Variants in PDZD2 observed in about 807,000 individuals in gnomAD.
PDZD2 encodes PDZ domain containing 2, also known as PDZ domain-containing protein 2.
PDZD2 carries 90 observed loss-of-function variants against 220.7 expected under a neutral mutation model. That is an observed-to-expected ratio of 0.41 (90% CI 0.34 to 0.49). The LOEUF (loss-of-function observed/expected upper bound fraction) is 0.49. PDZD2 is among the 20% of genes least tolerant of loss of function. The probability of loss-of-function intolerance (pLI) is 0.28; values close to 1 mark genes in which losing one functional copy is unlikely to be tolerated. For missense variants in PDZD2, 3,174 were observed against 3,608.5 expected (o/e 0.88, Z 3.08); for synonymous variants, 1,375 against 1,450.5 (o/e 0.95, Z 1.18).
chr5:31,868,330 A>G (rs181374728), intron 2 of PDZD2, among the ~76,000 whole-genome samples: 122 of 152,238 alleles, frequency 8.0e-4, no homozygotes, highest in Admixed American at 1.0e-3. Context: ...CTTTAATCTC[A>G]GCTACTCAGG....
chr5:31,807,151 G>T (rs141074369), intron 2 of PDZD2, among the ~76,000 whole-genome samples: 230 of 152,170 alleles, frequency 1.5e-3, no homozygotes, highest in African/African-American at 5.4e-3. Context: ...GGCCAGACTG[G>T]TCTTGAACCT....
intron 2 of PDZD2, among the ~76,000 whole-genome samples, chr5:31,883,023 C>CA (rs781370177): frequency 0.053 from 2,494 of 47,036 alleles, 201 homozygotes; most frequent in African/African-American, 0.1. Context: ...GACTCTGTCT[C>CA]AAAAAAAAAA....
intron 2 of PDZD2, among the ~76,000 whole-genome samples, chr5:31,981,685 G>A (rs1480608292): frequency 6.6e-6 from 1 of 152,210 alleles, no homozygotes; most frequent in Non-Finnish European, 1.5e-5. Context: ...GAAGGATTTG[G>A]TTGTTGACAC....
chr5:31,679,612 A>G (rs1746574009), intron 1 of PDZD2, among the ~76,000 whole-genome samples: 1 of 152,102 alleles, frequency 6.6e-6, no homozygotes, highest in Non-Finnish European at 1.5e-5. Context: ...AGTTCAAGTG[A>G]TTCTCCTGCC....
At chr5:31,930,329 C>T (rs528860224) in intron 2 of PDZD2, among the ~76,000 whole-genome samples, 2 of 151,580 alleles carry the variant, frequency 1.3e-5, no homozygotes, top group East Asian at 3.9e-4. Context: ...CCTCAGTCTC[C>T]CAAGTAGCTG....
intron 2 of PDZD2, among the ~76,000 whole-genome samples, chr5:31,886,237 A>G (rs1181937245): frequency 6.6e-6 from 1 of 152,190 alleles, no homozygotes; most frequent in Non-Finnish European, 1.5e-5. Context: ...GAAAAAACAG[A>G]TCAGTGCATA....
At chr5:31,718,917 G>A (rs1054581262) in intron 1 of PDZD2, among the ~76,000 whole-genome samples, 4 of 152,088 alleles carry the variant, frequency 2.6e-5, no homozygotes, top group Non-Finnish European at 5.9e-5. Context: ...AGCCAGGATG[G>A]TCTCCATCTC....
At chr5:32,037,134 C>G in intron 6 of PDZD2, 97 bp from the exon 7 acceptor site, 2 of 739,258 alleles carry the variant, frequency 2.7e-6, no homozygotes, top group Non-Finnish European at 4.7e-6. Context: ...ACCTGTATTG[C>G]TGCTCCTTGA....
At chr5:31,712,832 A>G (rs954615451) in intron 1 of PDZD2, among the ~76,000 whole-genome samples, 3 of 152,172 alleles carry the variant, frequency 2.0e-5, no homozygotes, top group Non-Finnish European at 2.9e-5. Flanking sequence ...GGTCGCGTTA[A>G]GGGCAATGGA....
In PDZD2 at chr5:31,869,172, A is replaced by G. The variant is rs77835850; in HGVS notation, c.476+69448A>G. ...AAAGTTCCAGACATGCTTTGTCTGTATCTTCCTTCAGGACAAATCCATTTA... is the reference window on the plus strand; with the variant it reads ...AAAGTTCCAGACATGCTTTGTCTGTGTCTTCCTTCAGGACAAATCCATTTA... On this transcript the variant is annotated intron_variant, in intron 2 of 24. Coordinates refer to ENST00000438447, the MANE Select transcript of PDZD2 (RefSeq NM_178140.4). 8.2e-3 allele frequency among the ~76,000 whole-genome samples: 1,250 copies of G among 152,352 alleles called. 15 individuals are homozygous for G. The highest frequency in any genetic ancestry group is 0.028 in the African/African-American group (1,178 of 41,578).
At chr5:31,837,484 A>C (rs1757015239) in intron 2 of PDZD2, among the ~76,000 whole-genome samples, 1 of 152,190 alleles carries the variant, frequency 6.6e-6, no homozygotes, top group Non-Finnish European at 1.5e-5. Context: ...GCACTTTGGG[A>C]GGCCGAGGTG....
At chr5:31,698,227 T>C (rs1261572181) in intron 1 of PDZD2, among the ~76,000 whole-genome samples, 1 of 148,096 alleles carries the variant, frequency 6.8e-6, no homozygotes, top group East Asian at 2.1e-4. Flanking sequence ...TTAGATTGAA[T>C]CTCACCCAGC....
At chr5:31,757,697 C>T (rs1227569301) in intron 1 of PDZD2, among the ~76,000 whole-genome samples, 1 of 152,070 alleles carries the variant, frequency 6.6e-6, no homozygotes, top group East Asian at 1.9e-4. Flanking sequence ...CTGAATAGCT[C>T]AGCACATTCT....
At chr5:32,011,399 T>A (rs1025143362) in intron 6 of PDZD2, among the ~76,000 whole-genome samples, 1 of 151,930 alleles carries the variant, frequency 6.6e-6, no homozygotes, top group Admixed American at 6.6e-5. Flanking sequence ...CTCAGGAGGC[T>A]GAGGCAGGAG....
chr5:31,789,133 G>C (rs1753552720), intron 1 of PDZD2, among the ~76,000 whole-genome samples: 1 of 152,130 alleles, frequency 6.6e-6, no homozygotes, highest in Non-Finnish European at 1.5e-5. Flanking sequence ...TCTGGGGCTG[G>C]TATAGCTGCT....
chr5:31,956,758 CAAAAAAAAAAA>C (rs70957986), intron 2 of PDZD2, among the ~76,000 whole-genome samples: 2 of 73,704 alleles, frequency 2.7e-5, no homozygotes, highest in Non-Finnish European at 2.4e-5. Flanking sequence ...GACTCCATCT[CAAAAAAAAAAA>C]AAAAAAAAAA....
chr5:31,979,108 G>T (rs1750045887), intron 2 of PDZD2, among the ~76,000 whole-genome samples: 1 of 152,100 alleles, frequency 6.6e-6, no homozygotes, highest in African/African-American at 2.4e-5. Flanking sequence ...AGACTTTTTG[G>T]TACTGAAAAG....
rs549966548 is a variant in PDZD2, at chr5:31,758,912, C to T, written c.-360-39977C>T. Among the ~76,000 whole-genome samples, 10 of 152,208 alleles carry T rather than the reference C, an allele frequency of 6.6e-5. No individual in the cohort carries two copies. In the South Asian group the frequency reaches 1.0e-3, roughly 16 times the overall value. On this transcript the variant is annotated intron_variant, in intron 1 of 24. Coordinates refer to ENST00000438447, the MANE Select transcript of PDZD2 (RefSeq NM_178140.4). ...AGAAAGCATCCTGCTGTTCCGCACC[C>T]GCCTCCACATGCGTTCCCTGGCTAC...
intron 2 of PDZD2, among the ~76,000 whole-genome samples, chr5:31,824,709 GTCTTGGCTTAAA>G (rs952484260): frequency 3.3e-5 from 5 of 151,174 alleles, no homozygotes; most frequent in Non-Finnish European, 7.4e-5. Context: ...GAATCAGACT[GTCTTGGCTTAAA>G]TCTTGGCTTA....
Sources: allele counts gnomAD v4.1 joint callset (sites outside exome capture counted in the v4.1 genomes callset), GRCh38; gene constraint gnomAD v4.1.1; transcripts MANE v1.5; gene names NCBI Gene and HGNC (gene_info 2026-07-23, HGNC 2026-07-21).